The following CCDC178 variants were observed in gnomAD, a reference collection of about 807,000 sequenced individuals.
CCDC178 encodes the protein coiled-coil domain-containing protein 178.
In CCDC178, 126 loss-of-function variants were observed where a neutral mutation model predicts 117.4. That is an observed-to-expected ratio of 1.07 (90% CI 0.93 to 1.24). CCDC178 has a LOEUF of 1.24. Among genes scored for constraint, CCDC178 ranks in the 50% most tolerant of loss-of-function variants. CCDC178 has a pLI of 0.00. For missense variants in CCDC178, 1,030 were observed against 986.9 expected, an observed-to-expected ratio of 1.04 and a Z score of -0.59; for synonymous variants, 283 against 313.4, an observed-to-expected ratio of 0.90 and a Z score of 1.02.
chr18:33,351,584 C>T (rs1418111753), intron 7 of CCDC178, among the ~76,000 whole-genome samples: 1 of 151,766 alleles, frequency 6.6e-6, no homozygotes, highest in African/African-American at 2.4e-5. Context: ...GTTTTGTTGC[C>T]CAGGCTGAAG....
At chr18:33,233,958 G>GAAAAGTC (rs2059397591) in intron 15 of CCDC178, among the ~76,000 whole-genome samples, 1 of 152,034 alleles carries the variant, frequency 6.6e-6, no homozygotes. Context: ...TGGAAATACT[G>GAAAAGTC]AAAAGTCAAC....
At chr18:33,370,218 TC>T in intron 5 of CCDC178, 29 bp from the exon 6 acceptor site, 1 of 1,529,342 alleles carries the variant, frequency 6.5e-7, no homozygotes, top group East Asian at 2.4e-5. Flanking sequence ...AGTTCATTAC[TC>T]ATTCTATACA....
At chr18:32,971,971 C>T (rs1005693681) in intron 22 of CCDC178, among the ~76,000 whole-genome samples, 2 of 151,944 alleles carry the variant, frequency 1.3e-5, no homozygotes, top group Admixed American at 6.6e-5. Context: ...TTATAGGTTG[C>T]CTCTTCACTC....
In CCDC178 at chr18:33,341,583, A is replaced by C. The variant is rs370678727; in HGVS notation, c.658+4628T>G. Among the ~76,000 whole-genome samples, 128 of 152,310 alleles carry C rather than the reference A, an allele frequency of 8.4e-4. 1 individual carries two copies. The highest frequency in any genetic ancestry group is 1.7e-3 in the Non-Finnish European group (115 of 68,022). On this transcript the variant is annotated intron_variant, in intron 9 of 22. Coordinates refer to ENST00000383096, the MANE Select transcript of CCDC178 (RefSeq NM_001105528.4). ...GGAGGGACCCAAGGGGAGGTAATTTAATCACATGGTCCAGTCTTTCTCATG... is the reference window on the plus strand; with the variant it reads ...GGAGGGACCCAAGGGGAGGTAATTTCATCACATGGTCCAGTCTTTCTCATG...
intron 21 of CCDC178, among the ~76,000 whole-genome samples, chr18:33,073,513 A>C (rs1054229504): frequency 3.0e-4 from 21 of 70,508 alleles, no homozygotes; most frequent in Middle Eastern, 6.2e-3. Context: ...GCATCTATCT[A>C]TCTATCTATC....
At chr18:32,978,230 G>C (rs1399604426) in intron 21 of CCDC178, among the ~76,000 whole-genome samples, 3 of 68,112 alleles carry the variant, frequency 4.4e-5, no homozygotes, top group Non-Finnish European at 1.0e-4. Context: ...TTTTTTTTGC[G>C]GGGAAATCAA....
intron 20 of CCDC178, among the ~76,000 whole-genome samples, chr18:33,158,309 G>A (rs1004411015): frequency 2.6e-5 from 4 of 152,042 alleles, no homozygotes; most frequent in African/African-American, 9.7e-5. Context: ...GAAAATACTT[G>A]TAGCCCCAGA....
chr18:33,357,274 T>C (rs1599214441), intron 6 of CCDC178, among the ~76,000 whole-genome samples: 1 of 152,134 alleles, frequency 6.6e-6, no homozygotes, highest in African/African-American at 2.4e-5. Flanking sequence ...GGACCATGGT[T>C]CTTAACCTTG....
chr18:33,393,968 C>T (rs2063596657), intron 4 of CCDC178, among the ~76,000 whole-genome samples: 1 of 151,982 alleles, frequency 6.6e-6, no homozygotes, highest in Non-Finnish European at 1.5e-5. Flanking sequence ...AACCATACTT[C>T]AAATTCAACT....
At chr18:33,415,408 G>A (rs1034776029) in intron 2 of CCDC178, among the ~76,000 whole-genome samples, 2 of 152,090 alleles carry the variant, frequency 1.3e-5, no homozygotes, top group East Asian at 1.9e-4. Flanking sequence ...GTAGGGATGT[G>A]GATGAAGCTG....
At chr18:33,042,447 T>C (rs201781497) in intron 21 of CCDC178, among the ~76,000 whole-genome samples, 2 of 151,888 alleles carry the variant, frequency 1.3e-5, no homozygotes, top group East Asian at 3.9e-4. Context: ...GCTTGATCTT[T>C]TAAAAAAGTC....
In CCDC178 at chr18:33,279,621, C is replaced by G. The variant is rs377526231; in HGVS notation, c.1177-12324G>C. ...AAACTACTTTCAAGTTCATATGGAA[C>G]CAAAAAAGAGCCCACATTGCCAAGT... is the stretch of plus-strand genomic sequence containing the variant. On this transcript the variant is annotated intron_variant, in intron 12 of 22. Coordinates refer to ENST00000383096, the MANE Select transcript of CCDC178 (RefSeq NM_001105528.4). Among the ~76,000 whole-genome samples the G allele has an allele frequency of 5.8e-4, 89 of 152,210 alleles. No homozygotes were observed. In the South Asian group the frequency reaches 0.014, roughly 24 times the overall value.
chr18:32,961,999 CT>C (rs71177897), intron 22 of CCDC178, among the ~76,000 whole-genome samples: 10 of 148,776 alleles, frequency 6.7e-5, no homozygotes, highest in African/African-American at 2.0e-4. Context: ...TCTTTACTGT[CT>C]TTTTTTTTAG....
At chr18:33,000,403 G>A (rs2055606472) in intron 21 of CCDC178, among the ~76,000 whole-genome samples, 1 of 152,142 alleles carries the variant, frequency 6.6e-6, no homozygotes, top group African/African-American at 2.4e-5. Context: ...TAGAGAAAGA[G>A]ATGGGGTAGA....
intron 11 of CCDC178, among the ~76,000 whole-genome samples, chr18:33,303,013 A>G (rs1202666717): frequency 1.3e-5 from 2 of 152,166 alleles, no homozygotes; most frequent in Non-Finnish European, 2.9e-5. Context: ...AGGATTTGGA[A>G]TGTTCCCAAC....
intron 21 of CCDC178, among the ~76,000 whole-genome samples, chr18:33,041,431 A>G (rs2056547809): frequency 6.6e-6 from 1 of 150,384 alleles, no homozygotes; most frequent in African/African-American, 2.4e-5. Context: ...TATAATGTAT[A>G]ATATATGTTA....
chr18:33,041,876 A>G (rs2056556514), intron 21 of CCDC178, among the ~76,000 whole-genome samples: 1 of 151,848 alleles, frequency 6.6e-6, no homozygotes, highest in Non-Finnish European at 1.5e-5. Flanking sequence ...AAAAGGCTAT[A>G]ATATTGGGGA....
chr18:32,943,298 C>T (rs1003464661), intron 22 of CCDC178, among the ~76,000 whole-genome samples: 5 of 152,148 alleles, frequency 3.3e-5, no homozygotes, highest in Non-Finnish European at 7.4e-5. Context: ...TTCAAGTATC[C>T]TATTCCAGCC....
At chr18:33,017,986 G>A (rs1338911277) in intron 21 of CCDC178, among the ~76,000 whole-genome samples, 2 of 151,984 alleles carry the variant, frequency 1.3e-5, no homozygotes, top group Non-Finnish European at 2.9e-5. Context: ...CATTAAGAAA[G>A]TGAAAATATA....
Sources: allele counts gnomAD v4.1 joint callset (sites outside exome capture counted in the v4.1 genomes callset), GRCh38; gene constraint gnomAD v4.1.1; transcripts MANE v1.5; gene names NCBI Gene and HGNC (gene_info 2026-07-23, HGNC 2026-07-21).